SKAP1: variants seen among roughly 807,000 people sequenced by gnomAD.
SKAP1 encodes src kinase-associated phosphoprotein 1.
Under a neutral mutation model 58.5 loss-of-function variants are expected in SKAP1, and 44 were observed. The observed-to-expected ratio is 0.75, with a 90% confidence interval of 0.59 to 0.97. The LOEUF is 0.97. Among genes scored for constraint, SKAP1 ranks in the 50% least tolerant of loss-of-function variants. The pLI is 0.00. For missense variants in SKAP1, 390 were observed against 435.2 expected (o/e 0.90, Z 0.92); for synonymous variants, 127 against 149.7 (o/e 0.85, Z 1.11).
chr17:48,298,059 C>T (rs924850733), intron 4 of SKAP1, among the ~76,000 whole-genome samples: 1 of 152,202 alleles, frequency 6.6e-6, no homozygotes, highest in African/African-American at 2.4e-5. Context: ...TATACCTGCA[C>T]ATTTGACCTG....
intron 2 of SKAP1, among the ~76,000 whole-genome samples, 159 bp from the exon 3 acceptor site, chr17:48,363,973 T>C (rs2066969786): frequency 6.6e-6 from 1 of 152,244 alleles, no homozygotes. Flanking sequence ...AGGTTATCCC[T>C]GAGATTTGAA....
At chr17:48,326,101 T>C (rs571326695) in intron 4 of SKAP1, among the ~76,000 whole-genome samples, 1 of 151,142 alleles carries the variant, frequency 6.6e-6, no homozygotes, top group African/African-American at 2.4e-5. Context: ...AAAATAGTTA[T>C]GTTATATTAA....
At chr17:48,198,965 T>A (rs957003453) in intron 4 of SKAP1, among the ~76,000 whole-genome samples, 1 of 152,192 alleles carries the variant, frequency 6.6e-6, no homozygotes, top group Non-Finnish European at 1.5e-5. Context: ...CACATTGTCT[T>A]TTTACAAACC....
chr17:48,153,177 TG>T (rs1231602279), intron 11 of SKAP1, among the ~76,000 whole-genome samples: 1 of 152,162 alleles, frequency 6.6e-6, no homozygotes, highest in Non-Finnish European at 1.5e-5. Context: ...TTTTAAAAAA[TG>T]GGTTTTAGAA....
chr17:48,322,945 A>C (rs2066388595), intron 4 of SKAP1, among the ~76,000 whole-genome samples: 1 of 151,872 alleles, frequency 6.6e-6, no homozygotes, highest in Non-Finnish European at 1.5e-5. Flanking sequence ...AAAATACAAA[A>C]ATTAGCCAGG....
chr17:48,366,234 A>G (rs2067000128), intron 2 of SKAP1, among the ~76,000 whole-genome samples: 1 of 152,238 alleles, frequency 6.6e-6, no homozygotes, highest in African/African-American at 2.4e-5. Flanking sequence ...TCAGTGGAGA[A>G]TAAGTATGTT....
chr17:48,139,276 G>A (rs1412563189), intron 11 of SKAP1, among the ~76,000 whole-genome samples: 1 of 151,306 alleles, frequency 6.6e-6, no homozygotes, highest in African/African-American at 2.4e-5. Context: ...CTGCCTCCTG[G>A]GTTCAAGCGA....
intron 2 of SKAP1, among the ~76,000 whole-genome samples, chr17:48,367,733 C>T (rs1035694849): frequency 2.6e-5 from 4 of 151,504 alleles, no homozygotes; most frequent in Non-Finnish European, 2.9e-5. Flanking sequence ...GCTTGGGAAA[C>T]ATGGCGAAAC....
intron 4 of SKAP1, among the ~76,000 whole-genome samples, chr17:48,341,372 C>G (rs1263931986): frequency 6.6e-6 from 1 of 152,034 alleles, no homozygotes; most frequent in Non-Finnish European, 1.5e-5. Flanking sequence ...GCTTTCTCCC[C>G]ACTATTATAA....
chr17:48,370,366 C>T (rs928280380), intron 2 of SKAP1, among the ~76,000 whole-genome samples: 3 of 152,026 alleles, frequency 2.0e-5, no homozygotes, highest in Admixed American at 1.3e-4. Context: ...AGTGCTGTGG[C>T]GTGATCATGG....
intron 11 of SKAP1, among the ~76,000 whole-genome samples, chr17:48,141,474 G>GT (rs1256867539): frequency 1.3e-5 from 2 of 151,912 alleles, no homozygotes; most frequent in Non-Finnish European, 2.9e-5. Context: ...TGCCTCCTGG[G>GT]TTCAAATGAT....
intron 4 of SKAP1, among the ~76,000 whole-genome samples, chr17:48,234,606 C>A (rs1478632845): frequency 6.6e-6 from 1 of 152,098 alleles, no homozygotes; most frequent in Non-Finnish European, 1.5e-5. Flanking sequence ...TAATCAGATG[C>A]AATCCAACCC....
intron 4 of SKAP1, among the ~76,000 whole-genome samples, chr17:48,275,705 C>T (rs959588976): frequency 2.9e-4 from 44 of 152,180 alleles, no homozygotes; most frequent in Admixed American, 1.4e-3. Context: ...CTCCTGAGGG[C>T]AAGGGACAGG....
intron 1 of SKAP1, among the ~76,000 whole-genome samples, chr17:48,399,014 C>T (rs531265849): frequency 1.3e-5 from 2 of 151,922 alleles, no homozygotes; most frequent in African/African-American, 2.4e-5. Flanking sequence ...AGCAAGACTC[C>T]GTCTCAAAAA....
At chr17:48,159,593 A>T (rs2064040042) in intron 11 of SKAP1, among the ~76,000 whole-genome samples, 1 of 152,232 alleles carries the variant, frequency 6.6e-6, no homozygotes, top group African/African-American at 2.4e-5. Context: ...CAGCAAAAGA[A>T]GGCAGCTGAG....
intron 4 of SKAP1, among the ~76,000 whole-genome samples, chr17:48,231,558 A>G (rs1251974079): frequency 6.6e-6 from 1 of 152,112 alleles, no homozygotes; most frequent in Non-Finnish European, 1.5e-5. Context: ...AAAAAAAAGA[A>G]AGCAAGGAAT....
At chr17:48,281,900 G>A (rs1408542581) in intron 4 of SKAP1, among the ~76,000 whole-genome samples, 1 of 152,026 alleles carries the variant, frequency 6.6e-6, no homozygotes. Flanking sequence ...AAAAATCCTA[G>A]TTTATCTAAT....
intron 1 of SKAP1, among the ~76,000 whole-genome samples, chr17:48,402,265 T>C (rs1006130133): frequency 1.3e-5 from 2 of 151,636 alleles, no homozygotes; most frequent in Non-Finnish European, 2.9e-5. Context: ...ATTATATTAC[T>C]AGGAAATACC....
intron 4 of SKAP1, among the ~76,000 whole-genome samples, chr17:48,296,274 T>G (rs1200280344): frequency 6.6e-6 from 1 of 152,200 alleles, no homozygotes; most frequent in Non-Finnish European, 1.5e-5. Flanking sequence ...TACAGATGGA[T>G]CCTACCTTCG....
Sources: allele counts gnomAD v4.1 joint callset (sites outside exome capture counted in the v4.1 genomes callset), GRCh38; gene constraint gnomAD v4.1.1; transcripts MANE v1.5; gene names NCBI Gene and HGNC (gene_info 2026-07-23, HGNC 2026-07-21).